Variants in SLC44A5 observed in about 807,000 individuals in gnomAD.
The protein encoded by SLC44A5 is solute carrier family 44 member 5, also known as choline transporter-like protein 5.
Under a neutral mutation model 101.8 loss-of-function variants are expected in SLC44A5, and 57 were observed. That is an observed-to-expected ratio of 0.56 (90% CI 0.45 to 0.70). The LOEUF (loss-of-function observed/expected upper bound fraction) is 0.70. SLC44A5 is among the 30% of genes least tolerant of loss of function. The pLI, the probability that SLC44A5 is intolerant of heterozygous loss-of-function variation, is 0.00. For synonymous variants in SLC44A5, 281 were observed against 290.9 expected (o/e 0.97, Z 0.35); for missense variants, 737 against 853.1 (o/e 0.86, Z 1.70).
chr1:75,328,943 A>G (rs1379615249), intron 4 of SLC44A5, among the ~76,000 whole-genome samples: 1 of 152,196 alleles, frequency 6.6e-6, no homozygotes, highest in East Asian at 1.9e-4. Flanking sequence ...TCCTGTCTCC[A>G]GACAATATCT....
chr1:75,644,371 ATCAT>A, the SLC44A5 span, among the ~76,000 whole-genome samples: 74,028 of 151,194 alleles, frequency 0.49, 19,311 homozygotes, highest in East Asian at 0.93. Context: ...TAAACAAGGG[ATCAT>A]TCAGAGAAAC....
intron 16 of SLC44A5, among the ~76,000 whole-genome samples, chr1:75,218,958 A>C (rs1208610664): frequency 1.3e-5 from 2 of 152,106 alleles, no homozygotes; most frequent in Non-Finnish European, 2.9e-5. Flanking sequence ...AAATGCTCAT[A>C]ATCTGCACCC....
intron 2 of SLC44A5, among the ~76,000 whole-genome samples, chr1:75,404,528 G>A (rs570675750): frequency 6.6e-6 from 1 of 152,310 alleles, no homozygotes; most frequent in African/African-American, 2.4e-5. Context: ...CCAGAAGAGA[G>A]TGGGAGCAAA....
chr1:75,214,069 A>T (rs1646914035), intron 20 of SLC44A5, 80 bp from the exon 21 acceptor site: 1 of 911,746 alleles, frequency 1.1e-6, no homozygotes, highest in Admixed American at 2.3e-5. Flanking sequence ...GTAAATTTTC[A>T]TGAGTTTATT....
At chr1:75,681,685 T>C in the SLC44A5 span, among the ~76,000 whole-genome samples, 2,355 of 149,166 alleles carry the variant, frequency 0.016, 72 homozygotes, top group African/African-American at 0.053. Flanking sequence ...GCATTCCCTT[T>C]GAAAACTGGC....
At chr1:75,647,324 G>A in the SLC44A5 span, among the ~76,000 whole-genome samples, 1 of 152,232 alleles carries the variant, frequency 6.6e-6, no homozygotes, top group African/African-American at 2.4e-5. Context: ...TTCAGAGGAT[G>A]TATGGAAATG....
intron 4 of SLC44A5, among the ~76,000 whole-genome samples, chr1:75,318,508 G>C (rs937328892): frequency 6.6e-6 from 1 of 152,128 alleles, no homozygotes; most frequent in African/African-American, 2.4e-5. Context: ...TTAATTTTAA[G>C]CCAGATGATC....
At chr1:75,621,085 A>G in the SLC44A5 span, among the ~76,000 whole-genome samples, 4 of 152,130 alleles carry the variant, frequency 2.6e-5, no homozygotes, top group African/African-American at 9.7e-5. Flanking sequence ...GAAGCCATCA[A>G]TGAGAATGAT....
the SLC44A5 span, among the ~76,000 whole-genome samples, chr1:75,619,096 A>AGAAGGAAG: frequency 5.9e-4 from 70 of 117,702 alleles, no homozygotes; most frequent in South Asian, 2.3e-3. Context: ...GGGGAAGGAA[A>AGAAGGAAG]GAAGGAAGGA....
At chr1:75,537,034 A>AAAAAAAAAAAAAAAATATATATATG (rs1553199990) in intron 2 of SLC44A5, among the ~76,000 whole-genome samples, 1 of 18,648 alleles carries the variant, frequency 5.4e-5, no homozygotes, top group African/African-American at 1.0e-4. Context: ...AAAAAAAAAA[A>AAAAAAAAAAAAAAAATATATATATG]TATATATCTA....
chr1:75,421,926 A>G (rs1304285803), intron 2 of SLC44A5, among the ~76,000 whole-genome samples: 2 of 152,148 alleles, frequency 1.3e-5, no homozygotes, highest in Non-Finnish European at 2.9e-5. Flanking sequence ...CCATATATCA[A>G]GAATTGTCCT....
chr1:75,330,178 C>CATATATATACGTATATATGCAT, intron 4 of SLC44A5, among the ~76,000 whole-genome samples: 1 of 122,244 alleles, frequency 8.2e-6, no homozygotes, highest in Admixed American at 8.2e-5. Context: ...CGTATATATG[C>CATATATATACGTATATATGCAT]ATATATATAC....
chr1:75,421,686 G>C (rs762222299), intron 2 of SLC44A5, among the ~76,000 whole-genome samples: 6 of 152,052 alleles, frequency 3.9e-5, no homozygotes, highest in Admixed American at 6.6e-5. Context: ...CTGGCTGTTC[G>C]TTTTATATAT....
chr1:75,615,840 G>A, upstream of SLC44A5: 1 of 987,164 alleles, frequency 1.0e-6, no homozygotes, highest in Middle Eastern at 2.9e-4. Flanking sequence ...GGGGAGGAGG[G>A]AGCGGGACTC....
chr1:75,560,771 A>T (rs889296313), intron 1 of SLC44A5, among the ~76,000 whole-genome samples: 1 of 152,164 alleles, frequency 6.6e-6, no homozygotes, highest in Non-Finnish European at 1.5e-5. Context: ...CTTGTCCCTG[A>T]AAAAGATGTT....
chr1:75,604,262 A>G (rs1420094569), intron 1 of SLC44A5, among the ~76,000 whole-genome samples: 1 of 152,050 alleles, frequency 6.6e-6, no homozygotes, highest in Non-Finnish European at 1.5e-5. Flanking sequence ...CCATTTATTG[A>G]GTAGAGAGTC....
At chr1:75,684,726 T>C in the SLC44A5 span, among the ~76,000 whole-genome samples, 6 of 152,086 alleles carry the variant, frequency 3.9e-5, no homozygotes, top group African/African-American at 1.4e-4. Context: ...CTCTGCAGAG[T>C]ACAGACACTC....
At chr1:75,226,345 G>A (rs1304498256) in intron 13 of SLC44A5, among the ~76,000 whole-genome samples, 1 of 151,994 alleles carries the variant, frequency 6.6e-6, no homozygotes, top group Non-Finnish European at 1.5e-5. Flanking sequence ...ATCATCTGAG[G>A]AAAGCATCTC....
the SLC44A5 span, among the ~76,000 whole-genome samples, chr1:75,672,541 C>T: frequency 1.3e-5 from 2 of 152,072 alleles, no homozygotes; most frequent in African/African-American, 4.8e-5. Context: ...GACAGCAATT[C>T]CTGGGCAAGT....
Sources: gnomAD v4.1 joint callset for allele counts (sites outside exome capture counted in the v4.1 genomes callset) on GRCh38, gnomAD v4.1.1 for gene constraint, MANE v1.5 for transcripts, NCBI Gene and HGNC (gene_info 2026-07-23, HGNC 2026-07-21) for gene names.